Variants in GSE1 observed in about 807,000 individuals in gnomAD.
The protein encoded by GSE1 is genetic suppressor element 1.
GSE1 carries 32 observed loss-of-function variants against 112.6 expected under a neutral mutation model. The ratio of observed to expected loss-of-function variants is 0.28; its 90% CI spans 0.21 to 0.38. GSE1 has a LOEUF of 0.38. Ranked by LOEUF, GSE1 falls within the 10% of genes least tolerant of loss-of-function variation. GSE1 has a pLI of 1.00. For missense variants in GSE1, 2,348 were observed against 1,699.2 expected (o/e 1.38, Z -6.71); for synonymous variants, 1,115 against 735.6 (o/e 1.52, Z -8.35).
intron 1 of GSE1, among the ~76,000 whole-genome samples, chr16:85,287,249 G>C (rs1277066405): frequency 6.6e-6 from 1 of 152,362 alleles, no homozygotes; most frequent in East Asian, 1.9e-4. Context: ...GTGGGGCTTG[G>C]AGGCCTGAGC....
At chr16:85,609,312 C>T (rs1340809734), upstream of GSE1, among the ~76,000 whole-genome samples, 2 of 152,252 alleles carry the variant, frequency 1.3e-5, no homozygotes, top group Admixed American at 6.5e-5. Context: ...AATCATACCT[C>T]AGCCTCAGAC....
At chr16:85,492,259 C>T (rs934119679) in intron 2 of GSE1, among the ~76,000 whole-genome samples, 5 of 152,154 alleles carry the variant, frequency 3.3e-5, no homozygotes, top group African/African-American at 9.7e-5. Context: ...GGCTGGGAGC[C>T]GCCCCCGTCG....
At chr16:85,640,314 C>T (rs1259652379) in intron 2 of GSE1, among the ~76,000 whole-genome samples, 1 of 152,214 alleles carries the variant, frequency 6.6e-6, no homozygotes, top group Non-Finnish European at 1.5e-5. Flanking sequence ...CCTCTCCAAG[C>T]AGGTGTTGGC....
At chr16:85,605,168 G>A (rs1216193562) in intron 1 of GSE1, among the ~76,000 whole-genome samples, 2 of 151,920 alleles carry the variant, frequency 1.3e-5, no homozygotes, top group South Asian at 2.1e-4. Context: ...GTGGCCGGCT[G>A]GGCCCCACCC....
At position 85,404,394 on chromosome 16, in the gene GSE1, A is replaced by AGG. The variant is rs537801753; in HGVS notation, c.2464+46752_2464+46753dup. Among the ~76,000 whole-genome samples the AGG allele has an allele frequency of 4.7e-4, 2 of 4,268 alleles. 1 individual carries two copies. The highest frequency in any genetic ancestry group is 1.7e-3 in the Non-Finnish European group (2 of 1,164). 2.8% of individuals were successfully genotyped at this position (4,268 alleles called of 152,430 possible). ...CTGGATAATCCTCACTGTTACACTC[A>AGG]GGCCCCCTGGATAATCCTCACTGGT... is the stretch of plus-strand genomic sequence containing the variant. On this transcript the variant is annotated intron_variant, in intron 2 of 2. Transcript: ENST00000637419.
At chr16:85,570,995 G>A (rs1034925633) in intron 1 of GSE1, among the ~76,000 whole-genome samples, 111 of 152,330 alleles carry the variant, frequency 7.3e-4, no homozygotes, top group African/African-American at 2.5e-3. Flanking sequence ...ATTCTGAAGC[G>A]TTGGTTACTT....
intron 2 of GSE1, among the ~76,000 whole-genome samples, chr16:85,461,506 A>C (rs2049966157): frequency 6.6e-6 from 1 of 152,124 alleles, no homozygotes; most frequent in African/African-American, 2.4e-5. Context: ...AGGCCCACGC[A>C]AGGGGGGGAG....
intron 2 of GSE1, among the ~76,000 whole-genome samples, chr16:85,471,916 GT>G (rs1597859405): frequency 6.6e-6 from 1 of 152,222 alleles, no homozygotes; most frequent in Non-Finnish European, 1.5e-5. Flanking sequence ...GCTGGCACCT[GT>G]GGTGGCCCCT....
At chr16:85,253,069 A>ACCCCCCCCCCCCCC (rs56691935) in intron 1 of GSE1, among the ~76,000 whole-genome samples, 1 of 57,816 alleles carries the variant, frequency 1.7e-5, no homozygotes. Flanking sequence ...CCCCCCCCCC[A>ACCCCCCCCCCCCCC]CCCCCCCCCC....
At chr16:85,555,675 G>A (rs1172331044), upstream of GSE1, 2 of 344,296 alleles carry the variant, frequency 5.8e-6, no homozygotes, top group Non-Finnish European at 6.9e-6. Flanking sequence ...CCCTCCCGCC[G>A]CCCCCCCCTT....
intron 2 of GSE1, among the ~76,000 whole-genome samples, chr16:85,423,353 C>A (rs1432155395): frequency 6.6e-6 from 1 of 152,208 alleles, no homozygotes; most frequent in Admixed American, 6.5e-5. Context: ...GGGGGCTCCA[C>A]CCAGCTGCTG....
Position 85,646,954 on chromosome 16 carries a change from C to A in GSE1, c.227-1598C>A, listed in dbSNP as rs576817118. Reference sequence around the variant, plus strand: ...CTGGTTGGGGACAGGAGGACTCTTGCAGCAGGTGCCTTTGGACACCCCCTA... The same window carrying A: ...CTGGTTGGGGACAGGAGGACTCTTGAAGCAGGTGCCTTTGGACACCCCCTA... On this transcript the variant is annotated intron_variant, in intron 2 of 15. Transcript: ENST00000253458. Among the ~76,000 whole-genome samples, 22 of 152,220 alleles carry A rather than the reference C, an allele frequency of 1.4e-4. 1 individual carries two copies. The South Asian group carries it at 3.7e-3, about 26-fold the overall frequency.
chr16:85,442,350 A>C (rs375938952), intron 2 of GSE1, among the ~76,000 whole-genome samples: 1 of 152,034 alleles, frequency 6.6e-6, no homozygotes, highest in East Asian at 1.9e-4. Flanking sequence ...TCAGCCCCAC[A>C]TGGGCAGGGA....
At chr16:85,320,766 C>T (rs886099644) in intron 1 of GSE1, among the ~76,000 whole-genome samples, 5 of 152,192 alleles carry the variant, frequency 3.3e-5, no homozygotes, top group African/African-American at 1.2e-4. Context: ...GATGGGCTCT[C>T]ACCACCTCTC....
chr16:85,397,449 C>G (rs1176659709), intron 2 of GSE1, among the ~76,000 whole-genome samples: 1 of 152,256 alleles, frequency 6.6e-6, no homozygotes, highest in African/African-American at 2.4e-5. Context: ...CGCATGGACC[C>G]TGCCTGGAAC....
intron 2 of GSE1, among the ~76,000 whole-genome samples, chr16:85,447,543 A>G (rs534086319): frequency 6.6e-6 from 1 of 152,280 alleles, no homozygotes; most frequent in East Asian, 1.9e-4. Flanking sequence ...AGCACATACC[A>G]GCTGTCACCA....
At position 85,655,880 on chromosome 16, in the gene GSE1, C is replaced by T. The variant is rs753968275; in HGVS notation, c.952C>T (p.Leu318=). The change falls in exon 6 of 16, where the codon CTG becomes TTG. Residue 318 remains leucine (L), a synonymous_variant. Transcript: ENST00000253458. The part of the protein sequence containing the change: ...PELSHSSLAA[L]HSERMSGLSA... Reference sequence around the variant, plus strand: ...GCTCTCCCACTCATCCCTGGCAGCGCTGCACTCGGAGCGCATGTCTGGCCT... The same window carrying T: ...GCTCTCCCACTCATCCCTGGCAGCGTTGCACTCGGAGCGCATGTCTGGCCT... The T allele has an allele frequency of 6.2e-7, 1 of 1,607,456 alleles. No homozygotes were observed. The highest frequency in any genetic ancestry group is 1.7e-5 in the Admixed American group (1 of 59,992).
chr16:85,653,714 T>C (rs2051643534), intron 3 of GSE1, among the ~76,000 whole-genome samples: 1 of 151,926 alleles, frequency 6.6e-6, no homozygotes, highest in Non-Finnish European at 1.5e-5. Flanking sequence ...CAGGAGGTGG[T>C]TGGGGGCAGA....
chr16:85,403,309 G>A (rs1202782219), intron 2 of GSE1, among the ~76,000 whole-genome samples: 2 of 152,178 alleles, frequency 1.3e-5, no homozygotes, highest in Non-Finnish European at 2.9e-5. Flanking sequence ...ATTCATTAGG[G>A]GCAAGTCACC....
Sources: allele counts gnomAD v4.1 joint callset (sites outside exome capture counted in the v4.1 genomes callset), GRCh38; gene constraint gnomAD v4.1.1; transcripts MANE v1.5; gene names NCBI Gene and HGNC (gene_info 2026-07-23, HGNC 2026-07-21).